LLPH: variants seen among roughly 807,000 people sequenced by gnomAD.
LLPH encodes protein LLP homolog.
LLPH carries 5 observed loss-of-function variants against 13.3 expected under a neutral mutation model. The ratio of observed to expected loss-of-function variants is 0.38; its 90% CI spans 0.20 to 0.79. The LOEUF is 0.79. Ranked by LOEUF, LLPH falls within the 30% of genes least tolerant of loss-of-function variation. The pLI is 0.45. For missense variants in LLPH, 129 were observed against 152.1 expected (o/e 0.85, Z 0.80); for synonymous variants, 32 against 44.2 (o/e 0.72, Z 1.09).
chr12:66,128,378 G>C (rs1385037269), intron 2 of LLPH, among the ~76,000 whole-genome samples: 1 of 152,076 alleles, frequency 6.6e-6, no homozygotes, highest in African/African-American at 2.4e-5. Context: ...AAGACACAAA[G>C]GTTCCTAGAA....
chr12:66,118,271 A>G lies in LLPH; in HGVS notation c.*5569T>C, dbSNP rs2576187. ...CTAGCTAGTCGGGAGGTTGAGGCAG[A>G]AGAATTGCTTGAACCCAGGAGGTGG... On this transcript the variant is annotated 3_prime_UTR_variant, in exon 3 of 3. Coordinates refer to ENST00000266604, the MANE Select transcript of LLPH (RefSeq NM_032338.4). 0.51 allele frequency: 77,553 copies of G among 151,264 alleles called. 21,305 individuals are homozygous for G. The highest frequency in any genetic ancestry group is 0.85 in the East Asian group (4,346 of 5,112). 9.4% of individuals were successfully genotyped at this position (151,264 alleles called of 1,614,324 possible). A position where few individuals can be genotyped will look rare whatever the true frequency, so the allele number is the denominator to read the frequency against.
intron 2 of LLPH, among the ~76,000 whole-genome samples, chr12:66,128,125 G>A (rs367692599): frequency 2.0e-5 from 3 of 152,270 alleles, no homozygotes; most frequent in African/African-American, 7.2e-5. Flanking sequence ...TATTCATACA[G>A]AGTGGGAGAA....
rs200435281 is a variant in LLPH, at chr12:66,124,065, C to A, written c.212-47G>T. 2.3e-4 allele frequency: 312 copies of A among 1,339,006 alleles called. 1 individual carries two copies. The highest frequency in any genetic ancestry group is 1.7e-4 in the Admixed American group (8 of 46,586). 82.9% of individuals were successfully genotyped at this position (1,339,006 alleles called of 1,614,324 possible). A position where few individuals can be genotyped will look rare whatever the true frequency, so the allele number is the denominator to read the frequency against. On this transcript the variant is annotated intron_variant, in intron 2 of 2. Coordinates refer to ENST00000266604, the MANE Select transcript of LLPH (RefSeq NM_032338.4). ...CTATTAACACCATGTATGAAAAAAA[C>A]CACCCTGTGAAAGCATATTAATGCA...
rs1433863434 is a variant in LLPH, at chr12:66,119,385, T to A, written c.*4455A>T. On this transcript the variant is annotated 3_prime_UTR_variant, in exon 3 of 3. Transcript: ENST00000266604. ...CTCTTGGCATTCAACTGCGGAAAAT[T>A]TAGGGTTTTGTAAGCAGGCCCAAAA... is the stretch of plus-strand genomic sequence containing the variant. 1 of 152,128 alleles carries A rather than the reference T, an allele frequency of 6.6e-6. No homozygotes were observed. Among genetic ancestry groups the A allele is most frequent in the African/African-American group, 2.4e-5 (1 of 41,438 alleles). 9.4% of individuals were successfully genotyped at this position (152,128 alleles called of 1,614,324 possible).
chr12:66,129,004 G>C lies in LLPH; in HGVS notation c.103C>G (p.Leu35Val), dbSNP rs753801460. Reference sequence around the variant, plus strand: ...TCTTTCATTAAAACATCACCGTCTAGTTTGAGAATACTTTTAAGCCTGCTG... The same window carrying C: ...TCTTTCATTAAAACATCACCGTCTACTTTGAGAATACTTTTAAGCCTGCTG... ...EASRLKSILK[L>V]DGDVLMKDVQ... The change falls in exon 2 of 3, where the codon CTA (leucine) becomes GTA (valine). Residue 35 changes from leucine (L) to valine (V), a missense_variant. Physicochemically the swap from Leu to Val is conservative, Grantham distance 32. Coordinates refer to ENST00000266604, the MANE Select transcript of LLPH (RefSeq NM_032338.4). 8.7e-6 allele frequency: 14 copies of C among 1,611,410 alleles called. No homozygotes were observed. Among genetic ancestry groups the C allele is most frequent in the East Asian group, 6.7e-5 (3 of 44,888 alleles).
chr12:66,124,585 C>T (rs895440831), intron 2 of LLPH, among the ~76,000 whole-genome samples: 1 of 152,154 alleles, frequency 6.6e-6, no homozygotes, highest in Non-Finnish European at 1.5e-5. Context: ...AAGCTCAGTG[C>T]AAACATGCTG....
intron 2 of LLPH, among the ~76,000 whole-genome samples, chr12:66,124,950 C>T (rs1565777130): frequency 1.3e-5 from 2 of 152,032 alleles, no homozygotes; most frequent in Admixed American, 6.5e-5. Context: ...CTCAGCTATT[C>T]GGGAGACTGG....
At position 66,118,663 on chromosome 12, in the gene LLPH, C is replaced by T. The variant is rs1484163627; in HGVS notation, c.*5177G>A. The T allele has an allele frequency of 3.9e-5, 6 of 152,104 alleles. No homozygotes were observed. Among genetic ancestry groups the T allele is most frequent in the Non-Finnish European group, 7.3e-5 (5 of 68,028 alleles). The allele number at this position is 152,104 out of a possible 1,614,324, so 9.4% of individuals were successfully genotyped here. A position where few individuals can be genotyped will look rare whatever the true frequency, so the allele number is the denominator to read the frequency against. ...TATCACATAGCCTAAGTGTAGTAGACGATACCCTCTAGATTTGTGTAAGTA... is the reference window on the plus strand; with the variant it reads ...TATCACATAGCCTAAGTGTAGTAGATGATACCCTCTAGATTTGTGTAAGTA... On this transcript the variant is annotated 3_prime_UTR_variant, in exon 3 of 3. Coordinates refer to ENST00000266604, the MANE Select transcript of LLPH (RefSeq NM_032338.4).
intron 1 of LLPH, among the ~76,000 whole-genome samples, chr12:66,129,858 CTTG>C (rs1304612045): frequency 2.6e-5 from 4 of 152,202 alleles, no homozygotes; most frequent in African/African-American, 2.4e-5. Context: ...TATTCCTACT[CTTG>C]TTTTCTTTCC....
In LLPH at chr12:66,120,544, T is replaced by C. The variant is rs914698497; in HGVS notation, c.*3296A>G. 1 of 152,230 alleles carries C rather than the reference T, an allele frequency of 6.6e-6. No individual in the cohort carries two copies. The highest frequency in any genetic ancestry group is 2.1e-4 in the South Asian group (1 of 4,830). The allele number at this position is 152,230 out of a possible 1,614,324, so 9.4% of individuals were successfully genotyped here. ...AATGAGTTAATACTTGAAGCAGTTT[T>C]GATCATCTTTAAATTATATTTTGAT... On this transcript the variant is annotated 3_prime_UTR_variant, in exon 3 of 3. Coordinates refer to ENST00000266604, the MANE Select transcript of LLPH (RefSeq NM_032338.4).
In LLPH at chr12:66,129,126, A is replaced by T. The variant is rs777252384; in HGVS notation, c.-7-13T>A. ...AGCCATGTTTTACCTGAAGTTAACA[A>T]AAACACACATTCAAAAGCAAATCTT... On this transcript the variant is annotated splice_polypyrimidine_tract_variant and intron_variant, in intron 1 of 2. Transcript: ENST00000266604. 2 of 1,527,720 alleles carry T rather than the reference A, an allele frequency of 1.3e-6. No homozygotes were observed. The highest frequency in any genetic ancestry group is 1.8e-6 in the Non-Finnish European group (2 of 1,112,250). The allele number at this position is 1,527,720 out of a possible 1,614,324, so 94.6% of individuals were successfully genotyped here.
rs1235562460 is a variant in LLPH, at chr12:66,116,591, T to C, written c.*7249A>G. 1 of 152,198 alleles carries C rather than the reference T, an allele frequency of 6.6e-6. No homozygotes were observed. 9.4% of individuals were successfully genotyped at this position (152,198 alleles called of 1,614,324 possible). A position where few individuals can be genotyped will look rare whatever the true frequency, so the allele number is the denominator to read the frequency against. On this transcript the variant is annotated 3_prime_UTR_variant, in exon 3 of 3. Transcript: ENST00000266604. ...TGTACTTTATTACATGGATCAGAAATACCACATGTACTAACAGTTGCTGTA... is the reference window on the plus strand; with the variant it reads ...TGTACTTTATTACATGGATCAGAAACACCACATGTACTAACAGTTGCTGTA...
rs925775146 is a variant in LLPH, at chr12:66,116,661, G to A, written c.*7179C>T. The A allele has an allele frequency of 6.6e-5, 10 of 152,190 alleles. No individual in the cohort carries two copies. The highest frequency in any genetic ancestry group is 6.5e-4 in the Admixed American group (10 of 15,280). The allele number at this position is 152,190 out of a possible 1,614,324, so 9.4% of individuals were successfully genotyped here. A position where few individuals can be genotyped will look rare whatever the true frequency, so the allele number is the denominator to read the frequency against. The stretch of plus-strand genomic sequence containing the variant: ...ACTAAGACTATTTAAAGGTTTTGCT[G>A]ATATTGAAAACTATAAAGACACAAT... On this transcript the variant is annotated 3_prime_UTR_variant, in exon 3 of 3. Transcript: ENST00000266604.
In LLPH at chr12:66,119,526, GGTAT is replaced by G. The variant is rs2051450042; in HGVS notation, c.*4310_*4313del. On this transcript the variant is annotated 3_prime_UTR_variant, in exon 3 of 3. Transcript: ENST00000266604. ...CCCCTAAACATTTCCTTGTAAAATT[GGTAT>G]GTGTCTACTGCAACAGTGTTTTTAT... 1.3e-5 allele frequency: 2 copies of G among 152,132 alleles called. No homozygotes were observed. Among genetic ancestry groups the G allele is most frequent in the South Asian group, 4.1e-4 (2 of 4,822 alleles). 9.4% of individuals were successfully genotyped at this position (152,132 alleles called of 1,614,324 possible).
At position 66,117,081 on chromosome 12, in the gene LLPH, A is replaced by T. The variant is rs930225685; in HGVS notation, c.*6759T>A. ...CAAACATGACAATTTATTACGAGGC[A>T]TTTTTTTTTGGCTGAAAAGAACTTT... is the stretch of plus-strand genomic sequence containing the variant. On this transcript the variant is annotated 3_prime_UTR_variant, in exon 3 of 3. Transcript: ENST00000266604. 6.6e-6 allele frequency: 1 copy of T among 151,016 alleles called. No individual in the cohort carries two copies. The highest frequency in any genetic ancestry group is 2.4e-5 in the African/African-American group (1 of 41,186). 9.4% of individuals were successfully genotyped at this position (151,016 alleles called of 1,614,324 possible). A position where few individuals can be genotyped will look rare whatever the true frequency, so the allele number is the denominator to read the frequency against.
rs2051473162 is a variant in LLPH, at chr12:66,123,041, A to G, written c.*799T>C. The G allele has an allele frequency of 9.2e-6, 1 of 108,156 alleles. No individual in the cohort carries two copies. The highest frequency in any genetic ancestry group is 9.1e-5 in the Admixed American group (1 of 10,954). The allele number at this position is 108,156 out of a possible 1,614,324, so 6.7% of individuals were successfully genotyped here. A position where few individuals can be genotyped will look rare whatever the true frequency, so the allele number is the denominator to read the frequency against. Reference sequence around the variant, plus strand: ...GACTAAAAAACCTTAAGCATACATGAAAGAAAAAAAAATCAGACTTGAAGA... The same window carrying G: ...GACTAAAAAACCTTAAGCATACATGGAAGAAAAAAAAATCAGACTTGAAGA... On this transcript the variant is annotated 3_prime_UTR_variant, in exon 3 of 3. Transcript: ENST00000266604.
chr12:66,126,633 A>G (rs1388105158), intron 2 of LLPH, among the ~76,000 whole-genome samples: 1 of 152,116 alleles, frequency 6.6e-6, no homozygotes, highest in Non-Finnish European at 1.5e-5. Flanking sequence ...GTCAATCAGC[A>G]TATGAAAAAA....
rs1230030172 is a variant in LLPH, at chr12:66,122,168, A to T, written c.*1672T>A. On this transcript the variant is annotated 3_prime_UTR_variant, in exon 3 of 3. Coordinates refer to ENST00000266604, the MANE Select transcript of LLPH (RefSeq NM_032338.4). ...CTATTGAGAAAAATAAGAAAAGTCT[A>T]CTATATTTAAACAATTCCAAGAGTT... The T allele has an allele frequency of 6.6e-6, 1 of 152,200 alleles. No homozygotes were observed. Among genetic ancestry groups the T allele is most frequent in the African/African-American group, 2.4e-5 (1 of 41,452 alleles). The allele number at this position is 152,200 out of a possible 1,614,324, so 9.4% of individuals were successfully genotyped here. A position where few individuals can be genotyped will look rare whatever the true frequency, so the allele number is the denominator to read the frequency against.
In LLPH at chr12:66,119,378, G is replaced by A. The variant is rs796113420; in HGVS notation, c.*4462C>T. The A allele has an allele frequency of 5.9e-5, 9 of 152,136 alleles. No individual in the cohort carries two copies. The highest frequency in any genetic ancestry group is 1.9e-4 in the African/African-American group (8 of 41,428). The allele number at this position is 152,136 out of a possible 1,614,324, so 9.4% of individuals were successfully genotyped here. ...CAAAAGACTCTTGGCATTCAACTGC[G>A]GAAAATTTAGGGTTTTGTAAGCAGG... On this transcript the variant is annotated 3_prime_UTR_variant, in exon 3 of 3. Transcript: ENST00000266604.
Sources: gnomAD v4.1 joint callset for allele counts (sites outside exome capture counted in the v4.1 genomes callset) on GRCh38, gnomAD v4.1.1 for gene constraint, MANE v1.5 for transcripts, NCBI Gene and HGNC (gene_info 2026-07-23, HGNC 2026-07-21) for gene names.